The following PRIM2 variants were observed in gnomAD, a reference collection of about 807,000 sequenced individuals.
The protein encoded by PRIM2 is DNA primase large subunit.
In PRIM2, 39 loss-of-function variants were observed where a neutral mutation model predicts 67.3. The ratio of observed to expected loss-of-function variants is 0.58; its 90% CI spans 0.45 to 0.76. The LOEUF is 0.76. Among genes scored for constraint, PRIM2 ranks in the 30% least tolerant of loss-of-function variants. The pLI, the probability that PRIM2 is intolerant of heterozygous loss-of-function variation, is 0.00. For synonymous variants in PRIM2, 143 were observed against 198.7 expected (o/e 0.72, Z 2.36); for missense variants, 398 against 598.7 (o/e 0.66, Z 3.50).
At chr6:57,224,202 G>A in the PRIM2 span, among the ~76,000 whole-genome samples, 1 of 152,204 alleles carries the variant, frequency 6.6e-6, no homozygotes, top group African/African-American at 2.4e-5. Context: ...TTAGGAGGCT[G>A]AGATGGGAGG....
intron 5 of PRIM2, among the ~76,000 whole-genome samples, chr6:57,376,978 G>A (rs1430947173): frequency 6.6e-6 from 1 of 151,974 alleles, no homozygotes; most frequent in African/African-American, 2.4e-5. Flanking sequence ...CCAGGTTCAA[G>A]CAATTCTTCT....
At chr6:57,265,062 G>A in the PRIM2 span, among the ~76,000 whole-genome samples, 5 of 152,148 alleles carry the variant, frequency 3.3e-5, no homozygotes, top group African/African-American at 1.2e-4. Flanking sequence ...ATTAATGTAT[G>A]TGAAAGCAAT....
At chr6:57,340,606 AC>A (rs1169775097) in intron 5 of PRIM2, among the ~76,000 whole-genome samples, 1 of 152,170 alleles carries the variant, frequency 6.6e-6, no homozygotes, top group African/African-American at 2.4e-5. Flanking sequence ...TATCACAAGA[AC>A]AAAAAACCAA....
chr6:57,293,437 A>G, the PRIM2 span, among the ~76,000 whole-genome samples: 10 of 152,222 alleles, frequency 6.6e-5, no homozygotes, highest in Admixed American at 5.2e-4. Context: ...GCAATTCCTC[A>G]AGGATCTAGA....
chr6:57,505,477 G>GCCTAT (rs2127459072), intron 7 of PRIM2: 1 of 152,264 alleles, frequency 6.6e-6, no homozygotes, highest in Admixed American at 6.5e-5. Context: ...ATCATTCTGT[G>GCCTAT]CCTATTGTTT....
chr6:57,283,966 G>C, the PRIM2 span, among the ~76,000 whole-genome samples: 4 of 151,992 alleles, frequency 2.6e-5, no homozygotes, highest in Non-Finnish European at 2.9e-5. Context: ...TGCATGACAT[G>C]GTTCTAGCTC....
the PRIM2 span, among the ~76,000 whole-genome samples, chr6:57,303,288 T>G: frequency 6.6e-6 from 1 of 152,178 alleles, no homozygotes; most frequent in Non-Finnish European, 1.5e-5. Context: ...TTTAGTCACT[T>G]ACTTTTTTAC....
chr6:57,387,955 A>G (rs1770204321), intron 7 of PRIM2, among the ~76,000 whole-genome samples: 9 of 151,932 alleles, frequency 5.9e-5, no homozygotes, highest in Non-Finnish European at 1.2e-4. Context: ...CTGAACAAAT[A>G]TAGAGGAAAC....
At chr6:57,269,019 A>C in the PRIM2 span, among the ~76,000 whole-genome samples, 1 of 151,428 alleles carries the variant, frequency 6.6e-6, no homozygotes, top group South Asian at 2.1e-4. Flanking sequence ...ACATTTTCTT[A>C]ATCCAGTCTA....
rs1484499740 is a variant in PRIM2, at chr6:57,646,746, C to T, written c.*588C>T. On this transcript the variant is annotated 3_prime_UTR_variant, in exon 14 of 14. Coordinates refer to ENST00000615550, the MANE Select transcript of PRIM2 (RefSeq NM_000947.5). ...AGCTTTGGGGACTGGTTAAAGTCCC[C>T]CAGAAACTACAATAAAGAACAACTT... 8 of 152,230 alleles carry T rather than the reference C, an allele frequency of 5.3e-5. No individual in the cohort carries two copies. In the East Asian group the frequency reaches 1.5e-3, roughly 29 times the overall value. 9.4% of individuals were successfully genotyped at this position (152,230 alleles called of 1,614,324 possible).
At chr6:57,516,548 A>G (rs1423774384) in intron 8 of PRIM2, among the ~76,000 whole-genome samples, 4 of 152,152 alleles carry the variant, frequency 2.6e-5, no homozygotes, top group Admixed American at 6.5e-5. Context: ...TCTTTTTAAT[A>G]TTGAAAGAAG....
chr6:57,242,965 A>G, the PRIM2 span, among the ~76,000 whole-genome samples: 1 of 152,210 alleles, frequency 6.6e-6, no homozygotes, highest in Non-Finnish European at 1.5e-5. Flanking sequence ...ATGTAGTATT[A>G]CTTGTTCCAT....
chr6:57,337,391 A>C (rs1273968020), intron 5 of PRIM2, among the ~76,000 whole-genome samples: 1 of 151,858 alleles, frequency 6.6e-6, no homozygotes, highest in South Asian at 2.1e-4. Context: ...CTCCACCCCA[A>C]ATCAACAGAA....
chr6:57,625,257 G>A (rs1322652994), intron 12 of PRIM2, among the ~76,000 whole-genome samples: 1 of 152,088 alleles, frequency 6.6e-6, no homozygotes, highest in Non-Finnish European at 1.5e-5. Flanking sequence ...AAGGTTGTTT[G>A]GTGTGTTTTG....
At chr6:57,272,642 G>T in the PRIM2 span, among the ~76,000 whole-genome samples, 1 of 152,096 alleles carries the variant, frequency 6.6e-6, no homozygotes, top group Non-Finnish European at 1.5e-5. Flanking sequence ...AGTTAATATT[G>T]TTATGTGTGA....
At chr6:57,607,926 A>G (rs1218935447) in intron 12 of PRIM2, among the ~76,000 whole-genome samples, 1 of 151,986 alleles carries the variant, frequency 6.6e-6, no homozygotes, top group African/African-American at 2.4e-5. Flanking sequence ...GAGTCCTAGG[A>G]TGTGACATGC....
chr6:57,520,969 A>G lies in PRIM2; in HGVS notation c.762-11442A>G, dbSNP rs1227215464. Among the ~76,000 whole-genome samples, 450 of 152,340 alleles carry G rather than the reference A, an allele frequency of 3.0e-3. 3 individuals carry two copies. Among genetic ancestry groups the G allele is most frequent in the East Asian group, 5.0e-3 (26 of 5,188 alleles). Reference sequence around the variant, plus strand: ...TTCTCCCAGTTATAAAGAAAAATAGATCATTATACTGCATGTTGTCTGATG... The same window carrying G: ...TTCTCCCAGTTATAAAGAAAAATAGGTCATTATACTGCATGTTGTCTGATG... On this transcript the variant is annotated intron_variant, in intron 8 of 13. Transcript: ENST00000615550.
intron 11 of PRIM2, among the ~76,000 whole-genome samples, chr6:57,604,645 A>G (rs1776527806): frequency 1.4e-5 from 2 of 146,622 alleles, no homozygotes; most frequent in South Asian, 2.1e-4. Context: ...TTCCTTTGGT[A>G]TCTAGTTTTT....
intron 7 of PRIM2, among the ~76,000 whole-genome samples, chr6:57,406,630 A>C (rs1364690064): frequency 6.6e-6 from 1 of 152,146 alleles, no homozygotes; most frequent in Non-Finnish European, 1.5e-5. Flanking sequence ...GTCTGAGACT[A>C]GTTGATTGGA....
Sources: gnomAD v4.1 joint callset for allele counts (sites outside exome capture counted in the v4.1 genomes callset) on GRCh38, gnomAD v4.1.1 for gene constraint, MANE v1.5 for transcripts, NCBI Gene and HGNC (gene_info 2026-07-23, HGNC 2026-07-21) for gene names.